SUN1: variants seen among roughly 807,000 people sequenced by gnomAD.
SUN1 encodes the protein Sad1 and UNC84 domain containing 1.
A neutral mutation model predicts 103.2 loss-of-function variants in SUN1; 61 were observed. The ratio of observed to expected loss-of-function variants is 0.59; its 90% CI spans 0.48 to 0.73. The LOEUF (loss-of-function observed/expected upper bound fraction) is 0.73, where lower values mean the gene tolerates loss of function less well. Ranked by LOEUF, SUN1 falls within the 30% of genes least tolerant of loss-of-function variation. The probability of loss-of-function intolerance (pLI) is 0.00; values close to 1 mark genes in which losing one functional copy is unlikely to be tolerated. For synonymous variants in SUN1, 490 were observed against 425.7 expected (o/e 1.15, Z -1.86); for missense variants, 1,052 against 1,034.6 (o/e 1.02, Z -0.23).
At chr7:822,827 C>T (rs890600967) in intron 1 of SUN1, among the ~76,000 whole-genome samples, 4 of 152,148 alleles carry the variant, frequency 2.6e-5, no homozygotes, top group Non-Finnish European at 2.9e-5. Flanking sequence ...CTGAACATGC[C>T]GGGAGGAAGA....
intron 15 of SUN1, 142 bp downstream of exon 15, chr7:861,606 G>T: frequency 1.2e-6 from 1 of 821,934 alleles, no homozygotes; most frequent in South Asian, 1.6e-5. Context: ...CATGATTCTG[G>T]GCATGACCCT....
chr7:849,921 A>C, intron 5 of SUN1: 1 of 1,593,302 alleles, frequency 6.3e-7, no homozygotes, highest in Non-Finnish European at 8.5e-7. Flanking sequence ...CCACACCTGC[A>C]GGCGACGACT....
chr7:839,206 G>A (rs972094685), intron 2 of SUN1: 24 of 446,682 alleles, frequency 5.4e-5, no homozygotes, highest in Middle Eastern at 5.7e-4. Flanking sequence ...TAGTATTGAT[G>A]TTCTGCTGTT....
At chr7:833,773 ACT>A (rs1449217907) in intron 1 of SUN1, among the ~76,000 whole-genome samples, 1 of 152,114 alleles carries the variant, frequency 6.6e-6, no homozygotes, top group Non-Finnish European at 1.5e-5. Context: ...ATAGCAACAC[ACT>A]CTGTTTTCTA....
intron 3 of SUN1, chr7:842,335 A>G (rs1350188834): frequency 6.8e-6 from 4 of 586,644 alleles, no homozygotes; most frequent in African/African-American, 3.7e-5. Flanking sequence ...AGACTTGATC[A>G]GGACGCTCCT....
At chr7:855,805 A>G (rs1427153697) in intron 11 of SUN1, among the ~76,000 whole-genome samples, 1 of 142,570 alleles carries the variant, frequency 7.0e-6, no homozygotes, top group Non-Finnish European at 1.5e-5. Flanking sequence ...TGTCCACCCG[A>G]GAGGGTCTGC....
At chr7:839,751 A>C (rs958237949) in intron 2 of SUN1, among the ~76,000 whole-genome samples, 2 of 47,686 alleles carry the variant, frequency 4.2e-5, no homozygotes, top group Non-Finnish European at 8.7e-5. Flanking sequence ...CGCGGTTTTC[A>C]CCATGTTGGC....
chr7:862,874 G>A (rs115427798), intron 15 of SUN1, among the ~76,000 whole-genome samples: 2,069 of 152,246 alleles, frequency 0.014, 30 homozygotes, highest in African/African-American at 0.036. Flanking sequence ...GTTTCTGGCC[G>A]GGCGCAGTGG....
Position 850,035 on chromosome 7 carries a change from T to C in SUN1, c.659-1349T>C, listed in dbSNP as rs1195110378. The stretch of plus-strand genomic sequence containing the variant: ...TCTGGCACATCTGGGCATGTGCAGG[T>C]TGTCTCTCGCCCCGTCTCCGTCTCA... On this transcript the variant is annotated intron_variant, in intron 5 of 18. Coordinates refer to ENST00000401592, the MANE Select transcript of SUN1 (RefSeq NM_001130965.3). 3 of 1,578,790 alleles carry C rather than the reference T, an allele frequency of 1.9e-6. No homozygotes were observed. The South Asian group carries it at 3.4e-5, about 18-fold the overall frequency.
chr7:859,721 A>T (rs1830683054), intron 13 of SUN1, among the ~76,000 whole-genome samples: 1 of 152,260 alleles, frequency 6.6e-6, no homozygotes, highest in African/African-American at 2.4e-5. Flanking sequence ...TAGCTTACAT[A>T]AAGCTATAAT....
rs774088057 is a variant in SUN1, at chr7:853,304, G to A, written c.1054-105G>A. 2.8e-5 allele frequency: 36 copies of A among 1,306,210 alleles called. No homozygotes were observed. The Middle Eastern group carries it at 6.2e-4, about 22-fold the overall frequency. 80.9% of individuals were successfully genotyped at this position (1,306,210 alleles called of 1,614,324 possible). On this transcript the variant is annotated intron_variant, in intron 9 of 18. Coordinates refer to ENST00000401592, the MANE Select transcript of SUN1 (RefSeq NM_001130965.3). Reference sequence around the variant, plus strand: ...GGATTCCTCCATTCGTGTGCCGTGCGCCCCAGAGCTGGCGTCTTGCTGTAG... The same window carrying A: ...GGATTCCTCCATTCGTGTGCCGTGCACCCCAGAGCTGGCGTCTTGCTGTAG...
chr7:816,740 G>C (rs1562442021), intron 1 of SUN1: 1 of 147,144 alleles, frequency 6.8e-6, no homozygotes, highest in Non-Finnish European at 1.5e-5. Context: ...GACGCGAGGC[G>C]GGGGCCCGGG....
intron 1 of SUN1, among the ~76,000 whole-genome samples, chr7:823,079 G>T (rs1242876983): frequency 1.3e-5 from 2 of 152,278 alleles, no homozygotes. Context: ...GTAGAGAGCG[G>T]TGGAGACTGG....
rs1344059856 is a variant in SUN1 at position 839,620 on chromosome 7, T to G, written c.266+634T>G. Among the ~76,000 whole-genome samples the G allele has an allele frequency of 3.4e-5, 4 of 116,268 alleles. 1 individual carries two copies. Among genetic ancestry groups the G allele is most frequent in the African/African-American group, 1.3e-4 (4 of 31,512 alleles). The allele number at this position is 116,268 out of a possible 152,430, so 76.3% of individuals were successfully genotyped here. A position where few individuals can be genotyped will look rare whatever the true frequency, so the allele number is the denominator to read the frequency against. On this transcript the variant is annotated intron_variant, in intron 2 of 18. Coordinates refer to ENST00000401592, the MANE Select transcript of SUN1 (RefSeq NM_001130965.3). ...GCTGGAGTACAGTGGTGGCGTGATC[T>G]TGGCTCACTGCAGCCTCTGCCTCCC...
chr7:869,542 C>T, intron 17 of SUN1, 26 bp downstream of exon 17: 1 of 1,603,798 alleles, frequency 6.2e-7, no homozygotes, highest in South Asian at 1.1e-5. Flanking sequence ...CGACCCTCCT[C>T]CTCCCACACC....
rs962834082 is a variant in SUN1, at chr7:874,299, C to G, written c.*968C>G. On this transcript the variant is annotated 3_prime_UTR_variant, in exon 19 of 19. Coordinates refer to ENST00000401592, the MANE Select transcript of SUN1 (RefSeq NM_001130965.3). Reference sequence around the variant, plus strand: ...GCTGTGGCTGGAATCTGCCTTTTATCACAGCTGTCACCATTCTCACGTGAT... The same window carrying G: ...GCTGTGGCTGGAATCTGCCTTTTATGACAGCTGTCACCATTCTCACGTGAT... The G allele has an allele frequency of 6.6e-6, 1 of 152,640 alleles. No homozygotes were observed. The highest frequency in any genetic ancestry group is 2.4e-5 in the African/African-American group (1 of 41,440). 9.5% of individuals were successfully genotyped at this position (152,640 alleles called of 1,614,324 possible).
intron 1 of SUN1, among the ~76,000 whole-genome samples, chr7:826,818 C>T (rs577798509): frequency 7.2e-5 from 11 of 152,266 alleles, no homozygotes; most frequent in African/African-American, 2.4e-4. Context: ...TGTCTGTAAA[C>T]GGTGCCTTTG....
At chr7:840,519 ATCGTCCTGGGTT>A (rs1283132456) in intron 2 of SUN1, among the ~76,000 whole-genome samples, 3 of 151,972 alleles carry the variant, frequency 2.0e-5, no homozygotes, top group Non-Finnish European at 4.4e-5. Context: ...GATCTTGTTC[ATCGTCCTGGGTT>A]CCCCCTACCT....
chr7:873,149 G>GA lies in SUN1; in HGVS notation c.2242-64dup, dbSNP rs1481200297. The stretch of plus-strand genomic sequence containing the variant: ...CTTCCTGTCAGACGTCATATTTGGG[G>GA]AAGTGATTGGACTTGGGGTTATTAA... On this transcript the variant is annotated intron_variant, in intron 18 of 18. Transcript: ENST00000401592. 9.3e-6 allele frequency: 13 copies of GA among 1,396,914 alleles called. No homozygotes were observed. The Admixed American group carries it at 2.1e-4, about 22-fold the overall frequency. 86.5% of individuals were successfully genotyped at this position (1,396,914 alleles called of 1,614,324 possible). A position where few individuals can be genotyped will look rare whatever the true frequency, so the allele number is the denominator to read the frequency against.
Sources: allele counts gnomAD v4.1 joint callset (sites outside exome capture counted in the v4.1 genomes callset), GRCh38; gene constraint gnomAD v4.1.1; transcripts MANE v1.5; gene names NCBI Gene and HGNC (gene_info 2026-07-23, HGNC 2026-07-21).